The following EPHA5 variants were observed in gnomAD, a reference collection of about 807,000 sequenced individuals.
EPHA5 encodes EPH receptor A5, also known as ephrin type-A receptor 5.
A neutral mutation model predicts 105.0 loss-of-function variants in EPHA5; 60 were observed. The observed-to-expected ratio is 0.57, with a 90% CI of 0.46 to 0.71. EPHA5 has a LOEUF of 0.71. Ranked by LOEUF, EPHA5 falls within the 30% of genes least tolerant of loss-of-function variation. EPHA5 has a pLI of 0.00. For missense variants in EPHA5, 1,218 were observed against 1,274.7 expected (o/e 0.96, Z 0.68); for synonymous variants, 513 against 449.1 (o/e 1.14, Z -1.80).
At chr4:65,486,650 C>A (rs1730908918) in intron 5 of EPHA5, among the ~76,000 whole-genome samples, 1 of 152,226 alleles carries the variant, frequency 6.6e-6, no homozygotes, top group Non-Finnish European at 1.5e-5. Context: ...AGATAACTTT[C>A]TTCAATTTAA....
chr4:65,575,467 A>C lies in EPHA5; in HGVS notation c.910+26174T>G, dbSNP rs567357052. On this transcript the variant is annotated intron_variant, in intron 3 of 16. Transcript: ENST00000613740. The stretch of plus-strand genomic sequence containing the variant: ...TAGTGAGACTATCTGTTCAGGTCTC[A>C]ATGTTTTCTGCTAACACTCTGCAAA... Among the ~76,000 whole-genome samples, 22 of 152,300 alleles carry C rather than the reference A, an allele frequency of 1.4e-4. 1 individual carries two copies. The South Asian group carries it at 4.6e-3, about 32-fold the overall frequency.
intron 3 of EPHA5, among the ~76,000 whole-genome samples, chr4:65,555,662 TTCA>T (rs892166378): frequency 1.2e-4 from 17 of 141,404 alleles, no homozygotes; most frequent in African/African-American, 3.2e-5. Context: ...GCTGGGCTAC[TTCA>T]TCAGGCTCTT....
At chr4:65,338,128 T>G (rs756778351) in intron 14 of EPHA5, among the ~76,000 whole-genome samples, 1 of 151,850 alleles carries the variant, frequency 6.6e-6, no homozygotes, top group Admixed American at 6.6e-5. Flanking sequence ...AAGAAAGAAA[T>G]AACAATGCTA....
intron 1 of EPHA5, among the ~76,000 whole-genome samples, chr4:65,650,575 G>A (rs72625054): frequency 0.57 from 78,950 of 138,942 alleles, 23,279 homozygotes; most frequent in Middle Eastern, 0.66. Flanking sequence ...AAAAAAAAGA[G>A]CTAGTTGTTA....
intron 3 of EPHA5, among the ~76,000 whole-genome samples, chr4:65,511,887 A>C (rs1320094676): frequency 2.0e-5 from 3 of 152,238 alleles, no homozygotes; most frequent in African/African-American, 7.2e-5. Context: ...ACATATGTAC[A>C]CTTGGCTGAA....
At chr4:65,428,864 A>G (rs1445589515) in intron 5 of EPHA5, among the ~76,000 whole-genome samples, 2 of 152,094 alleles carry the variant, frequency 1.3e-5, no homozygotes, top group South Asian at 2.1e-4. Context: ...GAAAATGACA[A>G]TAATAAAAAT....
chr4:65,605,914 G>A (rs1254772812), intron 2 of EPHA5, among the ~76,000 whole-genome samples: 1 of 152,050 alleles, frequency 6.6e-6, no homozygotes, highest in African/African-American at 2.4e-5. Flanking sequence ...ATCACAAAGA[G>A]CCTTAAAAGA....
At chr4:65,357,403 A>T (rs1723404019) in intron 11 of EPHA5, among the ~76,000 whole-genome samples, 1 of 151,494 alleles carries the variant, frequency 6.6e-6, no homozygotes, top group Non-Finnish European at 1.5e-5. Flanking sequence ...CTTTGATTTC[A>T]TTTTAAAAAC....
At chr4:65,517,894 A>G (rs1050749477) in intron 3 of EPHA5, among the ~76,000 whole-genome samples, 3 of 152,028 alleles carry the variant, frequency 2.0e-5, no homozygotes, top group African/African-American at 7.2e-5. Context: ...AACAGCATTA[A>G]AGATTCTACT....
At chr4:65,582,957 AGAG>A (rs1741779777) in intron 3 of EPHA5, among the ~76,000 whole-genome samples, 1 of 151,666 alleles carries the variant, frequency 6.6e-6, no homozygotes, top group Admixed American at 6.6e-5. Context: ...CTTTTAAATA[AGAG>A]GAGGAGAAAT....
rs375324566 is a variant in EPHA5, at chr4:65,336,024, A to G, written c.2697T>C (p.Asn899=). Residue 899 remains asparagine, a synonymous_variant, in exon 15 of 17, where the codon AAT becomes AAC. Coordinates refer to ENST00000613740, the MANE Select transcript of EPHA5 (RefSeq NM_001281766.3). ...LMLDCWQKER[N]SRPKFDEIVN... is the part of the protein sequence containing the mutation. ...CTATTTCATCAAACTTGGGCCTGCT[A>G]TTTCGCTCTTTCTGCCAGCAATCCA... 5.0e-5 allele frequency: 81 copies of G among 1,613,244 alleles called. No individual in the cohort carries two copies. The highest frequency in any genetic ancestry group is 1.6e-4 in the Middle Eastern group (1 of 6,078).
intron 3 of EPHA5, among the ~76,000 whole-genome samples, chr4:65,528,232 C>G (rs1214642079): frequency 6.6e-6 from 1 of 152,044 alleles, no homozygotes; most frequent in African/African-American, 2.4e-5. Flanking sequence ...GTCGGCAAAA[C>G]CATAGGTGCT....
At position 65,532,602 on chromosome 4, in the gene EPHA5, T is replaced by A. The variant is rs541365876; in HGVS notation, c.911-37059A>T. On this transcript the variant is annotated intron_variant, in intron 3 of 16. Coordinates refer to ENST00000613740, the MANE Select transcript of EPHA5 (RefSeq NM_001281766.3). ...TTGAAATCATTTATTATTTTTCCAA[T>A]AGCTCTTTTTTTTTTTACTTTCAAC... 5.3e-3 allele frequency among the ~76,000 whole-genome samples: 444 copies of A among 83,142 alleles called. 1 individual carries two copies. The highest frequency in any genetic ancestry group is 0.018 in the African/African-American group (399 of 22,106). 54.5% of individuals were successfully genotyped at this position (83,142 alleles called of 152,430 possible).
At chr4:65,564,903 A>G (rs1324993742) in intron 3 of EPHA5, among the ~76,000 whole-genome samples, 1 of 151,770 alleles carries the variant, frequency 6.6e-6, no homozygotes, top group African/African-American at 2.4e-5. Flanking sequence ...ATAAATTTCA[A>G]AATACTTTCA....
intron 1 of EPHA5, among the ~76,000 whole-genome samples, chr4:65,660,311 G>A (rs979935582): frequency 2.6e-5 from 4 of 151,884 alleles, no homozygotes; most frequent in Admixed American, 6.6e-5. Context: ...TAAATAATGG[G>A]GAAAACCAAC....
intron 3 of EPHA5, among the ~76,000 whole-genome samples, chr4:65,570,649 C>A (rs1740037268): frequency 6.6e-6 from 1 of 151,842 alleles, no homozygotes. Flanking sequence ...AGAGATGACT[C>A]TTTCAGGTGG....
intron 3 of EPHA5, among the ~76,000 whole-genome samples, chr4:65,527,999 A>G (rs1735404149): frequency 1.3e-5 from 2 of 152,114 alleles, no homozygotes; most frequent in Admixed American, 6.6e-5. Flanking sequence ...GGTTAAATAA[A>G]TGAATATTTA....
chr4:65,629,448 A>G (rs972755128), intron 2 of EPHA5, among the ~76,000 whole-genome samples: 1 of 152,236 alleles, frequency 6.6e-6, no homozygotes, highest in Non-Finnish European at 1.5e-5. Flanking sequence ...AAAGACATAC[A>G]ATCAATAGGT....
In EPHA5 at chr4:65,366,740, GA is replaced by G. The variant is rs570960322; in HGVS notation, c.1861+616del. Among the ~76,000 whole-genome samples, 1,245 of 151,760 alleles carry G rather than the reference GA, an allele frequency of 8.2e-3. 3 individuals are homozygous for G. The highest frequency in any genetic ancestry group is 0.01 in the Non-Finnish European group (681 of 67,820). On this transcript the variant is annotated intron_variant, in intron 9 of 16. Transcript: ENST00000613740. ...ATTTTGACATTTAAGATGGCGGAGT[GA>G]AAAAAACAAATATATTTGTCACTCA...
Sources: allele counts gnomAD v4.1 joint callset (sites outside exome capture counted in the v4.1 genomes callset), GRCh38; gene constraint gnomAD v4.1.1; transcripts MANE v1.5; gene names NCBI Gene and HGNC (gene_info 2026-07-23, HGNC 2026-07-21).